The following ITPR1 variants were observed in gnomAD, a reference collection of about 807,000 sequenced individuals.
ITPR1 encodes inositol 1,4,5-trisphosphate-gated calcium channel ITPR1.
In ITPR1, 96 loss-of-function variants were observed where a neutral mutation model predicts 318.4. That is an observed-to-expected ratio of 0.30 (90% CI 0.26 to 0.36). The LOEUF (loss-of-function observed/expected upper bound fraction) is 0.36. ITPR1 is among the 10% of genes least tolerant of loss of function. The pLI is 1.00. For missense variants in ITPR1, 2,440 were observed against 3,460.2 expected, an observed-to-expected ratio of 0.71 and a Z score of 7.40; for synonymous variants, 1,312 against 1,289.9, an observed-to-expected ratio of 1.02 and a Z score of -0.37.
intron 3 of ITPR1, among the ~76,000 whole-genome samples, chr3:4,517,541 C>G (rs577405658): frequency 3.9e-5 from 6 of 152,156 alleles, no homozygotes; most frequent in Admixed American, 6.5e-5. Context: ...GCAGGTTACT[C>G]CACACTCAGG....
chr3:4,691,093 C>G (rs1214358690), intron 31 of ITPR1, 51 bp from the exon 32 acceptor site: 2 of 1,295,008 alleles, frequency 1.5e-6, no homozygotes, highest in East Asian at 2.4e-5. Flanking sequence ...TTAATCTGTT[C>G]TGTCAGCTTT....
rs557527528 is a variant in ITPR1, at chr3:4,809,669, T to G, written c.7273-1596T>G. ...TTCCAATTAGAAGAAAGCTTTTCTT[T>G]TATATAAATAATACTTATTGATTGT... is the stretch of plus-strand genomic sequence containing the variant. On this transcript the variant is annotated intron_variant, in intron 55 of 61. Coordinates refer to ENST00000649015, the MANE Select transcript of ITPR1 (RefSeq NM_001378452.1). Among the ~76,000 whole-genome samples the G allele has an allele frequency of 2.3e-3, 352 of 152,330 alleles. 1 individual carries two copies. The highest frequency in any genetic ancestry group is 8.1e-3 in the African/African-American group (338 of 41,572).
chr3:4,743,438 G>A (rs927300751), intron 44 of ITPR1, among the ~76,000 whole-genome samples: 11 of 152,202 alleles, frequency 7.2e-5, no homozygotes, highest in African/African-American at 2.7e-4. Flanking sequence ...CTGAGTGACG[G>A]CAGACAGTAG....
At position 4,779,636 on chromosome 3, in the gene ITPR1, C is replaced by T. The variant is rs766783274; in HGVS notation, c.6378C>T (p.Pro2126=). 8.7e-6 allele frequency: 14 copies of T among 1,608,708 alleles called. No homozygotes were observed. The highest frequency in any genetic ancestry group is 1.1e-5 in the Non-Finnish European group (13 of 1,175,794). The change falls in exon 49 of 62, where the codon CCC becomes CCT. Residue 2126 remains proline (P), a synonymous_variant. Coordinates refer to ENST00000649015, the MANE Select transcript of ITPR1 (RefSeq NM_001378452.1). This position sits in a 1 kb window ranked among gnomAD's most constrained non-coding sequence, Gnocchi z 4.0. ...NAERILYNMR[P]KELVEVIKKA... is the part of the protein sequence containing the mutation. The stretch of plus-strand genomic sequence containing the variant: ...AGAGGATACTTTATAACATGAGGCC[C>T]AAGGAACTGGTGAGTCGGGTGACGG...
rs1237047019 is a variant in ITPR1 at position 4,847,412 on chromosome 3, G to GT, written c.*1190dup. The GT allele has an allele frequency of 8.0e-6, 1 of 125,604 alleles. No homozygotes were observed. Among genetic ancestry groups the GT allele is most frequent in the African/African-American group, 2.9e-5 (1 of 34,530 alleles). The allele number at this position is 125,604 out of a possible 1,614,324, so 7.8% of individuals were successfully genotyped here. A position where few individuals can be genotyped will look rare whatever the true frequency, so the allele number is the denominator to read the frequency against. On this transcript the variant is annotated 3_prime_UTR_variant, in exon 62 of 62. Transcript: ENST00000649015. ...TCTCTCTGCAAAAAAAAAAAAAACA[G>GT]TTTAAAAATGCATTGAAAGCAGAGT...
intron 3 of ITPR1, among the ~76,000 whole-genome samples, chr3:4,519,372 G>A (rs553465704): frequency 5.9e-5 from 9 of 152,216 alleles, no homozygotes; most frequent in East Asian, 3.9e-4. Flanking sequence ...GACTACAGGC[G>A]CCTGCCACCA....
rs190599707 is a variant in ITPR1 at position 4,688,714 on chromosome 3, G to A, written c.3828+94G>A. 301 of 1,259,842 alleles carry A rather than the reference G, an allele frequency of 2.4e-4. No individual in the cohort carries two copies. In the East Asian group the frequency reaches 6.2e-3, roughly 26 times the overall value. The allele number at this position is 1,259,842 out of a possible 1,614,324, so 78.0% of individuals were successfully genotyped here. A position where few individuals can be genotyped will look rare whatever the true frequency, so the allele number is the denominator to read the frequency against. On this transcript the variant is annotated intron_variant, in intron 31 of 61. Transcript: ENST00000649015. The stretch of plus-strand genomic sequence containing the variant: ...TGTTCTTTGGCTGTTGTGGCTTCTG[G>A]GGCTTGTTATAATGCAACATTCATT...
chr3:4,754,163 C>T (rs1035020158), intron 44 of ITPR1, among the ~76,000 whole-genome samples: 1 of 152,020 alleles, frequency 6.6e-6, no homozygotes, highest in Non-Finnish European at 1.5e-5. Context: ...TTCATTGTCC[C>T]TCAGGTACAC....
intron 4 of ITPR1, among the ~76,000 whole-genome samples, chr3:4,522,946 C>G (rs79045925): frequency 0.039 from 5,897 of 152,312 alleles, 153 homozygotes; most frequent in Middle Eastern, 0.061. Context: ...GGAGAACTCT[C>G]AGAAACACTG....
At chr3:4,645,187 T>C (rs928956894) in intron 8 of ITPR1, among the ~76,000 whole-genome samples, 200 bp from the exon 9 acceptor site, 1 of 152,200 alleles carries the variant, frequency 6.6e-6, no homozygotes, top group Non-Finnish European at 1.5e-5. Flanking sequence ...TAGTGATTGG[T>C]GCAAATGAAC....
chr3:4,595,413 C>T (rs2090728056), intron 4 of ITPR1, among the ~76,000 whole-genome samples: 1 of 152,166 alleles, frequency 6.6e-6, no homozygotes, highest in Non-Finnish European at 1.5e-5. Flanking sequence ...AATAACGGCA[C>T]TAAGGTGATG....
At chr3:4,685,305 C>A in intron 30 of ITPR1, 99 bp downstream of exon 30, 4 of 1,220,792 alleles carry the variant, frequency 3.3e-6, no homozygotes, top group Non-Finnish European at 4.4e-6. Flanking sequence ...TGAAGAAATG[C>A]ATCCAGTGTG....
chr3:4,703,370 G>A (rs2094695284), intron 36 of ITPR1, among the ~76,000 whole-genome samples: 1 of 152,130 alleles, frequency 6.6e-6, no homozygotes, highest in Non-Finnish European at 1.5e-5. Flanking sequence ...CTCAGAAATG[G>A]TGCACTGCTC....
At chr3:4,521,130 C>T in intron 4 of ITPR1, 36 bp downstream of exon 4, 1 of 1,455,420 alleles carries the variant, frequency 6.9e-7, no homozygotes, top group Non-Finnish European at 9.6e-7. Context: ...GTCACCTTGA[C>T]TCACTTGAAA....
At chr3:4,845,255 AT>A in intron 61 of ITPR1, among the ~76,000 whole-genome samples, 1 of 152,232 alleles carries the variant, frequency 6.6e-6, no homozygotes, top group African/African-American at 2.4e-5. Context: ...ATTTTCTTGA[AT>A]ATATATTCCG....
chr3:4,790,737 T>C (rs891198984), intron 52 of ITPR1, among the ~76,000 whole-genome samples: 1 of 152,258 alleles, frequency 6.6e-6, no homozygotes, highest in Admixed American at 6.5e-5. Flanking sequence ...CAGCTAGGAC[T>C]CAGACACGTA....
intron 39 of ITPR1, among the ~76,000 whole-genome samples, chr3:4,713,093 G>A (rs968500786): frequency 2.0e-5 from 3 of 152,100 alleles, no homozygotes; most frequent in African/African-American, 7.2e-5. Flanking sequence ...AAAAAGGTGG[G>A]GGGTACGGGG....
At chr3:4,528,371 C>A (rs971518626) in intron 4 of ITPR1, among the ~76,000 whole-genome samples, 1 of 152,096 alleles carries the variant, frequency 6.6e-6, no homozygotes, top group Non-Finnish European at 1.5e-5. Context: ...TTAACCTTAC[C>A]CTTAGGCCAG....
intron 4 of ITPR1, among the ~76,000 whole-genome samples, chr3:4,607,726 G>A (rs528315643): frequency 1.4e-4 from 21 of 152,168 alleles, no homozygotes; most frequent in Non-Finnish European, 2.2e-4. Context: ...CCTCTGGTGC[G>A]CTGAGTTGCT....
Sources: allele counts gnomAD v4.1 joint callset (sites outside exome capture counted in the v4.1 genomes callset), GRCh38; gene constraint gnomAD v4.1.1; non-coding constraint Gnocchi (gnomAD v3.1); transcripts MANE v1.5; gene names NCBI Gene and HGNC (gene_info 2026-07-23, HGNC 2026-07-21).